Variants in ATL1 observed in about 807,000 individuals in gnomAD.
ATL1 encodes atlastin GTPase 1.
ATL1 carries 31 observed loss-of-function variants against 75.5 expected under a neutral mutation model. That is an observed-to-expected ratio of 0.41 (90% CI 0.31 to 0.55). The LOEUF is 0.55. Among genes scored for constraint, ATL1 ranks in the 20% least tolerant of loss-of-function variants. The probability of loss-of-function intolerance (pLI) is 0.27; values close to 1 mark genes in which losing one functional copy is unlikely to be tolerated. For synonymous variants in ATL1, 226 were observed against 233.3 expected, an observed-to-expected ratio of 0.97 and a Z score of 0.28; for missense variants, 405 against 662.6, an observed-to-expected ratio of 0.61 and a Z score of 4.27.
chr14:50,558,099 A>G (rs1033921598), upstream of ATL1, among the ~76,000 whole-genome samples: 5 of 152,214 alleles, frequency 3.3e-5, no homozygotes, highest in African/African-American at 1.2e-4. Flanking sequence ...AATGCCAGCT[A>G]CTTAATTTAA....
At position 50,554,929 on chromosome 14, in the gene ATL1, C is replaced by T. The variant is rs139420273; in HGVS notation, c.-139-5198C>T. ...CCAACACATGGAAGATGGTAGAGTG[C>T]ACCTTTGTCTTTTTGGCAAAGTCTT... On this transcript the variant is annotated intron_variant, in intron 1 of 13. Transcript: ENST00000441560. Among the ~76,000 whole-genome samples, 1,086 of 152,290 alleles carry T rather than the reference C, an allele frequency of 7.1e-3. 12 individuals are homozygous for T. Among genetic ancestry groups the T allele is most frequent in the African/African-American group, 0.025 (1,052 of 41,544 alleles).
intron 1 of ATL1, among the ~76,000 whole-genome samples, chr14:50,579,489 A>G (rs2039037071): frequency 6.6e-6 from 1 of 152,184 alleles, no homozygotes; most frequent in Non-Finnish European, 1.5e-5. Context: ...CAAGCTTATT[A>G]ATTTGCATAA....
chr14:50,628,219 T>C lies in ATL1; in HGVS notation c.1308T>C (p.Asn436=), dbSNP rs751796325. 7 of 1,614,070 alleles carry C rather than the reference T, an allele frequency of 4.3e-6. No individual in the cohort carries two copies. Among genetic ancestry groups the C allele is most frequent in the African/African-American group, 1.3e-5 (1 of 74,914 alleles). The change falls in exon 12 of 14, where the codon AAT becomes AAC. Residue 436 remains asparagine, a synonymous_variant. Transcript: ENST00000358385. ...DELYIQYIKH[N]DSKNIFHAAR... ...TTTACATCCAATATATCAAGCACAATGATAGCAAAAATATCTTCCATGCAG... is the reference window on the plus strand; with the variant it reads ...TTTACATCCAATATATCAAGCACAACGATAGCAAAAATATCTTCCATGCAG...
chr14:50,592,735 C>T (rs2039171265), intron 4 of ATL1, among the ~76,000 whole-genome samples: 1 of 151,004 alleles, frequency 6.6e-6, no homozygotes, highest in East Asian at 1.9e-4. Flanking sequence ...CACGGTGAAA[C>T]CCCGTCTCTA....
chr14:50,583,709 A>G (rs761194787), intron 1 of ATL1, among the ~76,000 whole-genome samples: 7 of 152,220 alleles, frequency 4.6e-5, no homozygotes, highest in Non-Finnish European at 1.0e-4. Flanking sequence ...ATTTATATGG[A>G]AAGGGTTAAA....
intron 1 of ATL1, among the ~76,000 whole-genome samples, chr14:50,585,862 CAG>C (rs2039096515): frequency 6.6e-6 from 1 of 152,160 alleles, no homozygotes; most frequent in African/African-American, 2.4e-5. Context: ...CTTAACTTTG[CAG>C]AGAGAACAAC....
rs371859054 is a variant in ATL1 at position 50,628,517 on chromosome 14, T to C, written c.1551+55T>C. The stretch of plus-strand genomic sequence containing the variant: ...TCAGCACACATTTGAATGTCATCCA[T>C]GTGCCAGCCACTGCATTAGATGTTG... On this transcript the variant is annotated intron_variant, in intron 12 of 13. Coordinates refer to ENST00000358385, the MANE Select transcript of ATL1 (RefSeq NM_015915.5). The C allele has an allele frequency of 7.4e-5, 115 of 1,550,710 alleles. No homozygotes were observed. In the South Asian group the frequency reaches 7.7e-4, roughly 10 times the overall value.
At chr14:50,625,667 G>C (rs1366327344) in intron 11 of ATL1, among the ~76,000 whole-genome samples, 1 of 152,006 alleles carries the variant, frequency 6.6e-6, no homozygotes, top group Non-Finnish European at 1.5e-5. Flanking sequence ...CCTGCACTTT[G>C]GGAGGCCCAA....
intron 1 of ATL1, among the ~76,000 whole-genome samples, chr14:50,547,991 G>A (rs1178070312): frequency 6.6e-6 from 1 of 152,098 alleles, no homozygotes; most frequent in Non-Finnish European, 1.5e-5. Context: ...CTGTATTAAT[G>A]ATATCATGCT....
At chr14:50,550,451 T>A (rs948648183) in intron 1 of ATL1, among the ~76,000 whole-genome samples, 1 of 152,172 alleles carries the variant, frequency 6.6e-6, no homozygotes, top group Non-Finnish European at 1.5e-5. Context: ...CAGCCACCAG[T>A]CCTATTGTGG....
chr14:50,559,511 T>C (rs1412475939), upstream of ATL1: 2 of 152,258 alleles, frequency 1.3e-5, no homozygotes, highest in African/African-American at 4.8e-5. Context: ...TAGTATGATT[T>C]CAGCTCAAAT....
intron 1 of ATL1, among the ~76,000 whole-genome samples, chr14:50,534,884 T>C (rs940244693): frequency 5.9e-5 from 9 of 152,358 alleles, no homozygotes; most frequent in African/African-American, 2.2e-4. Context: ...TACTTAAATG[T>C]ACACTGAGTA....
intron 13 of ATL1, among the ~76,000 whole-genome samples, chr14:50,631,516 G>A (rs766773419): frequency 6.6e-6 from 1 of 152,052 alleles, no homozygotes; most frequent in African/African-American, 2.4e-5. Flanking sequence ...ACTAGCTAAC[G>A]GGGCCAGGAA....
chr14:50,580,562 AC>A (rs1490498756), intron 1 of ATL1, among the ~76,000 whole-genome samples: 1 of 152,130 alleles, frequency 6.6e-6, no homozygotes, highest in Non-Finnish European at 1.5e-5. Flanking sequence ...TATAATAGAT[AC>A]CATGTGTTTG....
chr14:50,625,692 G>A (rs546076241), intron 11 of ATL1, among the ~76,000 whole-genome samples: 69 of 152,216 alleles, frequency 4.5e-4, no homozygotes, highest in African/African-American at 1.4e-3. Context: ...TTGGGAGGCC[G>A]AGGTGGGTGG....
chr14:50,558,459 G>A (rs1326223987), upstream of ATL1, among the ~76,000 whole-genome samples: 1 of 152,182 alleles, frequency 6.6e-6, no homozygotes, highest in Non-Finnish European at 1.5e-5. Flanking sequence ...TAAAATCAGT[G>A]GATGAAAAGT....
chr14:50,630,234 A>T (rs2039567080), intron 13 of ATL1, among the ~76,000 whole-genome samples: 1 of 152,208 alleles, frequency 6.6e-6, no homozygotes, highest in Non-Finnish European at 1.5e-5. Flanking sequence ...AAAAACTAAG[A>T]ATTGAATATC....
chr14:50,620,161 G>C (rs1304320691), intron 8 of ATL1, among the ~76,000 whole-genome samples: 1 of 152,178 alleles, frequency 6.6e-6, no homozygotes, highest in Non-Finnish European at 1.5e-5. Flanking sequence ...AGGAGGCTGA[G>C]GCAGGAGAAT....
At chr14:50,591,104 G>A (rs1018956907) in intron 3 of ATL1, 29 bp downstream of exon 3, 2 of 1,605,376 alleles carry the variant, frequency 1.2e-6, no homozygotes, top group Non-Finnish European at 1.7e-6. Context: ...AAATAAAATT[G>A]AGTTTTCACT....
Sources: allele counts gnomAD v4.1 joint callset (sites outside exome capture counted in the v4.1 genomes callset), GRCh38; gene constraint gnomAD v4.1.1; transcripts MANE v1.5; gene names NCBI Gene and HGNC (gene_info 2026-07-23, HGNC 2026-07-21).